DYNC2I2: variants seen among roughly 807,000 people sequenced by gnomAD.
DYNC2I2 encodes the protein cytoplasmic dynein 2 intermediate chain 2.
Under a neutral mutation model 52.0 loss-of-function variants are expected in DYNC2I2, and 39 were observed. The observed-to-expected ratio is 0.75, with a 90% confidence interval of 0.58 to 0.98. The LOEUF (loss-of-function observed/expected upper bound fraction) is 0.98. DYNC2I2 is among the 50% of genes least tolerant of loss of function. The probability of loss-of-function intolerance (pLI) is 0.00; values close to 1 mark genes in which losing one functional copy is unlikely to be tolerated. For synonymous variants in DYNC2I2, 359 were observed against 321.1 expected (o/e 1.12, Z -1.26); for missense variants, 743 against 728.4 (o/e 1.02, Z -0.23).
the DYNC2I2 span, among the ~76,000 whole-genome samples, chr9:128,676,839 GTTTT>G: frequency 6.9e-6 from 1 of 144,260 alleles, no homozygotes. Context: ...GGCCCCAGCT[GTTTT>G]TTTTTTTGTT....
In DYNC2I2 at chr9:128,656,709, C is replaced by T; in HGVS notation, c.18G>A (p.Gln6=). Reference sequence around the variant, plus strand: ...TTCCCGCCTGGCTGAGTGGCCCCGGCTGCGCGCGGGTTGCCATGGAGACGG... The same window carrying T: ...TTCCCGCCTGGCTGAGTGGCCCCGGTTGCGCGCGGGTTGCCATGGAGACGG... MATRA[Q]PGPLSQAGSA... is the part of the protein sequence containing the mutation. The change falls in exon 1 of 9, where the codon CAG becomes CAA. Residue 6 remains glutamine, a synonymous_variant. Coordinates refer to ENST00000372715, the MANE Select transcript of DYNC2I2 (RefSeq NM_052844.4). The T allele has an allele frequency of 1.4e-6, 2 of 1,436,596 alleles. No homozygotes were observed. 89.0% of individuals were successfully genotyped at this position (1,436,596 alleles called of 1,614,324 possible).
the DYNC2I2 span, among the ~76,000 whole-genome samples, chr9:128,682,408 G>A: frequency 6.6e-6 from 1 of 152,070 alleles, no homozygotes; most frequent in Admixed American, 6.6e-5. Context: ...CTGGTGTGGT[G>A]GCTTATGCCT....
the DYNC2I2 span, among the ~76,000 whole-genome samples, chr9:128,672,652 A>G: frequency 6.6e-6 from 1 of 152,158 alleles, no homozygotes; most frequent in Non-Finnish European, 1.5e-5. Context: ...CAAAATGGAA[A>G]GAAGCCAGAT....
At chr9:128,673,610 A>G in the DYNC2I2 span, among the ~76,000 whole-genome samples, 3 of 149,486 alleles carry the variant, frequency 2.0e-5, no homozygotes, top group African/African-American at 7.4e-5. Flanking sequence ...GGTTCACGCC[A>G]TTCTCCTGCC....
chr9:128,642,059 G>A (rs1290487362), intron 1 of DYNC2I2, among the ~76,000 whole-genome samples: 1 of 151,840 alleles, frequency 6.6e-6, no homozygotes, highest in Non-Finnish European at 1.5e-5. Context: ...AGGCCGAGGC[G>A]GGCGGATCAC....
At position 128,636,004 on chromosome 9, in the gene DYNC2I2, C is replaced by A. The variant is rs375698100; in HGVS notation, c.704-237G>T. 1.3e-4 allele frequency: 88 copies of A among 681,694 alleles called. No individual in the cohort carries two copies. In the East Asian group the frequency reaches 1.5e-3, roughly 12 times the overall value. The allele number at this position is 681,694 out of a possible 1,614,324, so 42.2% of individuals were successfully genotyped here. On this transcript the variant is annotated intron_variant, in intron 4 of 8. Coordinates refer to ENST00000372715, the MANE Select transcript of DYNC2I2 (RefSeq NM_052844.4). ...TGGCAGCTCCCTCCAGCGTTGCCTG[C>A]CCCCTACCACTGACGGCTTCCCAAG...
the DYNC2I2 span, among the ~76,000 whole-genome samples, chr9:128,667,958 CTTT>C: frequency 7.6e-5 from 4 of 52,874 alleles, no homozygotes; most frequent in Admixed American, 2.5e-4. Flanking sequence ...GTCTCGATCT[CTTT>C]TTTTTTTTTT....
At chr9:128,634,159 C>T in intron 8 of DYNC2I2, 67 bp downstream of exon 8, 1 of 1,599,112 alleles carries the variant, frequency 6.3e-7, no homozygotes, top group Non-Finnish European at 8.5e-7. Context: ...ACCCAGAACC[C>T]CAGGTACAAG....
At chr9:128,634,055 C>A (rs1860285737) in intron 8 of DYNC2I2, 73 bp from the exon 9 acceptor site, 1 of 1,578,668 alleles carries the variant, frequency 6.3e-7, no homozygotes, top group South Asian at 1.1e-5. Flanking sequence ...GAGGCTAATG[C>A]CCGGGTTCAA....
chr9:128,661,445 C>T (rs961573641), upstream of DYNC2I2, among the ~76,000 whole-genome samples: 2 of 151,494 alleles, frequency 1.3e-5, no homozygotes, highest in Non-Finnish European at 1.5e-5. Flanking sequence ...ATGGTGAAAC[C>T]TTGTCTCTAC....
upstream of DYNC2I2, among the ~76,000 whole-genome samples, chr9:128,661,086 A>G (rs1367819035): frequency 6.6e-6 from 1 of 151,990 alleles, no homozygotes; most frequent in Admixed American, 6.6e-5. Flanking sequence ...TCACGCCTGT[A>G]ATCCCAGCAA....
chr9:128,648,384 G>A (rs1175298807), intron 1 of DYNC2I2, among the ~76,000 whole-genome samples: 2 of 152,074 alleles, frequency 1.3e-5, no homozygotes, highest in South Asian at 2.1e-4. Context: ...TCCAGCCTGG[G>A]CAACAGAGCC....
At position 128,640,932 on chromosome 9, in the gene DYNC2I2, C is replaced by A. The variant is rs776355924; in HGVS notation, c.194G>T (p.Cys65Phe). The part of the protein sequence containing the change: ...VQGIRWETKS[C>F]QTASIATASA... The stretch of plus-strand genomic sequence containing the variant: ...GGCAGTGGCAATGCTGGCCGTCTGG[C>A]AACTTTTCTGGGGGGAGGGTGAAAA... The change falls in exon 2 of 9, where the codon TGC becomes TTC. Residue 65 changes from cysteine to phenylalanine, a missense_variant. Cys to Phe is a radical substitution (Grantham distance 205, BLOSUM62 -2). Transcript: ENST00000372715. 1 of 1,587,858 alleles carries A rather than the reference C, an allele frequency of 6.3e-7. No individual in the cohort carries two copies. The highest frequency in any genetic ancestry group is 1.3e-5 in the African/African-American group (1 of 74,538).
the DYNC2I2 span, among the ~76,000 whole-genome samples, chr9:128,667,390 A>G: frequency 6.6e-6 from 1 of 151,784 alleles, no homozygotes; most frequent in African/African-American, 2.4e-5. Flanking sequence ...CAGTGGCACA[A>G]TCTCAGCTTG....
intron 1 of DYNC2I2, among the ~76,000 whole-genome samples, chr9:128,647,243 G>C (rs1174978029): frequency 2.0e-5 from 3 of 152,198 alleles, no homozygotes; most frequent in Non-Finnish European, 2.9e-5. Context: ...GATCCCTTTG[G>C]GGATGAGGCC....
At chr9:128,669,450 C>T in the DYNC2I2 span, among the ~76,000 whole-genome samples, 4 of 152,296 alleles carry the variant, frequency 2.6e-5, no homozygotes, top group East Asian at 3.9e-4. Context: ...CTAGTCCCAG[C>T]ACTTCAGGAG....
intron 1 of DYNC2I2, among the ~76,000 whole-genome samples, chr9:128,647,498 G>C (rs1860637610): frequency 6.6e-6 from 1 of 152,140 alleles, no homozygotes; most frequent in Non-Finnish European, 1.5e-5. Context: ...GACTTTGGGA[G>C]GCCAAGGCGG....
intron 1 of DYNC2I2, among the ~76,000 whole-genome samples, chr9:128,655,311 A>G (rs1464974091): frequency 1.6e-5 from 2 of 122,064 alleles, no homozygotes; most frequent in Non-Finnish European, 3.4e-5. Flanking sequence ...CATCCTGGCT[A>G]ACACGGTGAA....
chr9:128,666,233 G>T, the DYNC2I2 span, among the ~76,000 whole-genome samples: 1 of 148,776 alleles, frequency 6.7e-6, no homozygotes, highest in East Asian at 2.0e-4. Flanking sequence ...AAAGTTAGCC[G>T]GGCGTGGGCA....
Sources: gnomAD v4.1 joint callset for allele counts (sites outside exome capture counted in the v4.1 genomes callset) on GRCh38, gnomAD v4.1.1 for gene constraint, MANE v1.5 for transcripts, NCBI Gene and HGNC (gene_info 2026-07-23, HGNC 2026-07-21) for gene names.